NALF1: variants seen among roughly 807,000 people sequenced by gnomAD.
The protein encoded by NALF1 is family with sequence similarity 155 member A.
NALF1 carries 3 observed loss-of-function variants against 48.4 expected under a neutral mutation model. The ratio of observed to expected loss-of-function variants is 0.06; its 90% CI spans 0.03 to 0.16. The LOEUF is 0.16. NALF1 is among the 10% of genes least tolerant of loss of function. NALF1 has a pLI of 1.00. For synonymous variants in NALF1, 262 were observed against 245.7 expected, an observed-to-expected ratio of 1.07 and a Z score of -0.62; for missense variants, 526 against 571.5, an observed-to-expected ratio of 0.92 and a Z score of 0.81.
chr13:107,594,546 G>T (rs750503377), intron 1 of NALF1, among the ~76,000 whole-genome samples: 6 of 151,908 alleles, frequency 3.9e-5, no homozygotes, highest in Admixed American at 1.3e-4. Flanking sequence ...ATATTATCAA[G>T]GCATTGTACA....
intron 1 of NALF1, among the ~76,000 whole-genome samples, chr13:107,448,936 G>A (rs181598801): frequency 1.5e-4 from 23 of 152,280 alleles, no homozygotes; most frequent in Admixed American, 1.4e-3. Flanking sequence ...GCAGAGCAGA[G>A]CTATGCTGTC....
At chr13:107,219,768 A>G (rs1879952716) in intron 1 of NALF1, among the ~76,000 whole-genome samples, 1 of 152,208 alleles carries the variant, frequency 6.6e-6, no homozygotes, top group Admixed American at 6.5e-5. Flanking sequence ...AACCAAAGAG[A>G]AAGGAACTTA....
At chr13:107,456,486 G>T (rs1002316863) in intron 1 of NALF1, among the ~76,000 whole-genome samples, 1 of 152,150 alleles carries the variant, frequency 6.6e-6, no homozygotes, top group Admixed American at 6.6e-5. Flanking sequence ...TTTGGCCCAT[G>T]TTAGATTAAT....
chr13:107,687,464 GA>G (rs1197143308), intron 1 of NALF1, among the ~76,000 whole-genome samples: 3,051 of 105,714 alleles, frequency 0.029, 36 homozygotes, highest in Non-Finnish European at 0.045. Flanking sequence ...AATCTAAAAA[GA>G]AAAAAAAAAA....
At chr13:107,519,516 G>T (rs1334654978) in intron 1 of NALF1, among the ~76,000 whole-genome samples, 1 of 152,194 alleles carries the variant, frequency 6.6e-6, no homozygotes, top group Non-Finnish European at 1.5e-5. Context: ...CAGGAGGACA[G>T]CACTCAGTCC....
chr13:107,307,276 A>G (rs1238268290), intron 1 of NALF1, among the ~76,000 whole-genome samples: 1 of 152,192 alleles, frequency 6.6e-6, no homozygotes. Context: ...ACTGCATACC[A>G]TTAAACAAGA....
intron 1 of NALF1, among the ~76,000 whole-genome samples, chr13:107,345,833 T>C (rs1004550723): frequency 2.6e-5 from 4 of 152,040 alleles, no homozygotes; most frequent in African/African-American, 9.7e-5. Flanking sequence ...TGAGAAAAAA[T>C]ATTTCCAACC....
chr13:107,345,434 T>G (rs1407394203), intron 1 of NALF1, among the ~76,000 whole-genome samples: 1 of 152,114 alleles, frequency 6.6e-6, no homozygotes, highest in African/African-American at 2.4e-5. Flanking sequence ...ATTAAAAGGG[T>G]ATGGTATTGG....
At chr13:107,812,491 T>C (rs904812106) in intron 1 of NALF1, among the ~76,000 whole-genome samples, 3 of 152,116 alleles carry the variant, frequency 2.0e-5, no homozygotes, top group African/African-American at 7.2e-5. Flanking sequence ...TGATTTTTAG[T>C]CATGTCAATG....
intron 1 of NALF1, among the ~76,000 whole-genome samples, chr13:107,211,228 G>T (rs1384144371): frequency 6.6e-6 from 1 of 152,226 alleles, no homozygotes; most frequent in Non-Finnish European, 1.5e-5. Flanking sequence ...CCCAGCAGGG[G>T]TTGGGAAACT....
At chr13:107,466,218 C>T (rs1428899088) in intron 1 of NALF1, 1 of 152,230 alleles carries the variant, frequency 6.6e-6, no homozygotes, top group African/African-American at 2.4e-5. Flanking sequence ...AGGTCCCTCC[C>T]ATGACATGTG....
chr13:107,770,647 T>C (rs1159826590), intron 1 of NALF1, among the ~76,000 whole-genome samples: 1 of 152,186 alleles, frequency 6.6e-6, no homozygotes, highest in Non-Finnish European at 1.5e-5. Context: ...TCCAAATATG[T>C]TTCTCCAAAA....
chr13:107,571,623 C>A (rs1406295364), intron 1 of NALF1, among the ~76,000 whole-genome samples: 1 of 152,110 alleles, frequency 6.6e-6, no homozygotes, highest in East Asian at 1.9e-4. Flanking sequence ...GCCATTATAG[C>A]AATTTATTGA....
intron 1 of NALF1, among the ~76,000 whole-genome samples, chr13:107,537,373 CTAATA>C (rs1328053900): frequency 1.3e-5 from 2 of 152,056 alleles, no homozygotes; most frequent in African/African-American, 4.8e-5. Context: ...TTTAGCTTTA[CTAATA>C]TAACTTTTTA....
intron 1 of NALF1, among the ~76,000 whole-genome samples, chr13:107,750,377 T>C (rs1305688720): frequency 6.6e-6 from 1 of 152,212 alleles, no homozygotes; most frequent in Non-Finnish European, 1.5e-5. Flanking sequence ...CAGGAAGCTA[T>C]GTAAACAATG....
At chr13:107,498,594 G>C (rs927694153) in intron 1 of NALF1, among the ~76,000 whole-genome samples, 1 of 152,142 alleles carries the variant, frequency 6.6e-6, no homozygotes, top group Admixed American at 6.5e-5. Flanking sequence ...AAAGAAGACA[G>C]GGGGAGAACA....
intron 1 of NALF1, among the ~76,000 whole-genome samples, chr13:107,827,707 T>C (rs979558098): frequency 3.9e-5 from 6 of 152,232 alleles, no homozygotes; most frequent in Non-Finnish European, 8.8e-5. Flanking sequence ...AAATCAATAA[T>C]CTAGTTTTAT....
At chr13:107,723,450 C>T (rs1305521713) in intron 1 of NALF1, among the ~76,000 whole-genome samples, 2 of 152,150 alleles carry the variant, frequency 1.3e-5, no homozygotes, top group Admixed American at 1.3e-4. Flanking sequence ...ACGGTATACA[C>T]ACACATTTTT....
chr13:107,533,832 A>G lies in NALF1; in HGVS notation c.916-323077T>C, dbSNP rs549218749. On this transcript the variant is annotated intron_variant, in intron 1 of 2. Coordinates refer to ENST00000375915, the MANE Select transcript of NALF1 (RefSeq NM_001080396.3). ...CCGTTAAGGTCTCAGGAAAAGCTCA[A>G]TACTTCTAAGGGAGTGTCTTTGTCA... Among the ~76,000 whole-genome samples the G allele has an allele frequency of 7.9e-5, 12 of 152,282 alleles. No individual in the cohort carries two copies. In the South Asian group the frequency reaches 8.3e-4, roughly 11 times the overall value.
Sources: gnomAD v4.1 joint callset for allele counts (sites outside exome capture counted in the v4.1 genomes callset) on GRCh38, gnomAD v4.1.1 for gene constraint, MANE v1.5 for transcripts, NCBI Gene and HGNC (gene_info 2026-07-23, HGNC 2026-07-21) for gene names.